Variants in STK32B observed in about 807,000 individuals in gnomAD.
STK32B encodes serine/threonine kinase 32B.
STK32B carries 43 observed loss-of-function variants against 52.6 expected under a neutral mutation model. That is an observed-to-expected ratio of 0.82 (90% CI 0.64 to 1.05). The LOEUF (loss-of-function observed/expected upper bound fraction) is 1.05, where lower values mean the gene tolerates loss of function less well. Ranked by LOEUF, STK32B falls within the 50% of genes least tolerant of loss-of-function variation. STK32B has a pLI of 0.00. For synonymous variants in STK32B, 238 were observed against 204.3 expected, an observed-to-expected ratio of 1.17 and a Z score of -1.41; for missense variants, 621 against 534.6, an observed-to-expected ratio of 1.16 and a Z score of -1.59.
At chr4:5,173,362 A>C (rs200295809) in intron 3 of STK32B, among the ~76,000 whole-genome samples, 28,307 of 151,148 alleles carry the variant, frequency 0.19, 3,333 homozygotes, top group East Asian at 0.3. Context: ...AATGTGTTTG[A>C]TCTTGCTTCT....
intron 1 of STK32B, among the ~76,000 whole-genome samples, chr4:5,068,930 G>A (rs7697884): frequency 6.6e-6 from 1 of 151,942 alleles, no homozygotes; most frequent in African/African-American, 2.4e-5. Context: ...GCAAGAACAC[G>A]TAAGACCTAC....
chr4:5,421,126 G>C (rs1379168019), intron 6 of STK32B, among the ~76,000 whole-genome samples: 1 of 147,448 alleles, frequency 6.8e-6, no homozygotes, highest in East Asian at 2.0e-4. Flanking sequence ...GTCTTGCTCT[G>C]TTGCCCAGCC....
chr4:5,041,359 A>C, the STK32B span, among the ~76,000 whole-genome samples: 396 of 152,294 alleles, frequency 2.6e-3, 1 homozygote, highest in African/African-American at 9.4e-3. Context: ...AATACAATGA[A>C]ATACATTGCA....
the STK32B span, among the ~76,000 whole-genome samples, chr4:5,028,857 C>T: frequency 6.6e-6 from 1 of 152,162 alleles, no homozygotes; most frequent in East Asian, 1.9e-4. Flanking sequence ...GTTTAATTGG[C>T]TTATGGTTCG....
intron 3 of STK32B, among the ~76,000 whole-genome samples, chr4:5,236,352 C>T (rs1285405005): frequency 1.3e-5 from 2 of 152,076 alleles, no homozygotes; most frequent in African/African-American, 4.8e-5. Context: ...TTTAAACTTA[C>T]TTAAAAAACT....
the STK32B span, among the ~76,000 whole-genome samples, chr4:5,037,343 G>C: frequency 6.6e-6 from 1 of 152,130 alleles, no homozygotes; most frequent in Non-Finnish European, 1.5e-5. Context: ...CCTGGTAGGC[G>C]GCAAACACTC....
chr4:5,179,562 A>G (rs1028353851), intron 3 of STK32B, among the ~76,000 whole-genome samples: 2 of 152,232 alleles, frequency 1.3e-5, no homozygotes, highest in African/African-American at 2.4e-5. Context: ...GATGATAGAT[A>G]TAGATGATAG....
At chr4:5,352,557 C>A (rs935896567) in intron 4 of STK32B, among the ~76,000 whole-genome samples, 2 of 151,128 alleles carry the variant, frequency 1.3e-5, no homozygotes. Flanking sequence ...CCACTTTTAC[C>A]ACTCCTATTC....
intron 5 of STK32B, among the ~76,000 whole-genome samples, chr4:5,412,540 G>A (rs562231999): frequency 6.6e-6 from 1 of 152,280 alleles, no homozygotes; most frequent in South Asian, 2.1e-4. Context: ...GATCAGGACT[G>A]TTTGACCCAG....
chr4:5,155,574 C>T (rs576431872), intron 2 of STK32B, among the ~76,000 whole-genome samples: 4 of 152,234 alleles, frequency 2.6e-5, no homozygotes, highest in South Asian at 2.1e-4. Flanking sequence ...AATCTCATCT[C>T]GAATTGTAAT....
At chr4:5,457,368 A>G (rs1351751695) in intron 8 of STK32B, among the ~76,000 whole-genome samples, 1 of 150,994 alleles carries the variant, frequency 6.6e-6, no homozygotes, top group Non-Finnish European at 1.5e-5. Context: ...GGCACCCGCC[A>G]ACACGCCCGG....
chr4:5,180,667 C>T (rs1292535344), intron 3 of STK32B, among the ~76,000 whole-genome samples: 5 of 152,202 alleles, frequency 3.3e-5, no homozygotes, highest in Admixed American at 2.6e-4. Context: ...GACACCACCG[C>T]TTTATATTAA....
intron 1 of STK32B, among the ~76,000 whole-genome samples, chr4:5,097,206 A>G (rs575836760): frequency 6.6e-6 from 1 of 152,348 alleles, no homozygotes; most frequent in African/African-American, 2.4e-5. Flanking sequence ...CCATTAACTA[A>G]ATAGGGAAGC....
intron 1 of STK32B, among the ~76,000 whole-genome samples, chr4:5,115,592 A>G (rs1157232871): frequency 6.6e-6 from 1 of 151,146 alleles, no homozygotes; most frequent in East Asian, 2.3e-4. Flanking sequence ...GGAGAAGTGT[A>G]ACCTGGGCAG....
At chr4:5,215,521 A>C (rs1364580245) in intron 3 of STK32B, among the ~76,000 whole-genome samples, 1 of 152,150 alleles carries the variant, frequency 6.6e-6, no homozygotes, top group Non-Finnish European at 1.5e-5. Context: ...TCTCCTCTTT[A>C]AGTCTCCTGG....
intron 1 of STK32B, among the ~76,000 whole-genome samples, chr4:5,122,078 A>G (rs1715057152): frequency 6.6e-6 from 1 of 151,964 alleles, no homozygotes; most frequent in South Asian, 2.1e-4. Flanking sequence ...TCACATACTC[A>G]TTCTCTCACT....
At chr4:5,474,100 C>T (rs960056411) in intron 11 of STK32B, among the ~76,000 whole-genome samples, 1 of 151,862 alleles carries the variant, frequency 6.6e-6, no homozygotes. Flanking sequence ...GGAGACAGAG[C>T]GAGACTCTGT....
chr4:5,376,987 C>T (rs957098428), intron 4 of STK32B, among the ~76,000 whole-genome samples: 1 of 152,128 alleles, frequency 6.6e-6, no homozygotes, highest in Non-Finnish European at 1.5e-5. Flanking sequence ...TCCAGAAAGT[C>T]CCCTCTGAGC....
chr4:5,126,416 G>C (rs148177157), intron 1 of STK32B, among the ~76,000 whole-genome samples: 1 of 152,254 alleles, frequency 6.6e-6, no homozygotes, highest in Non-Finnish European at 1.5e-5. Flanking sequence ...AGCGTGGCTG[G>C]GCTCGCTCAC....
Sources: gnomAD v4.1 joint callset for allele counts (sites outside exome capture counted in the v4.1 genomes callset) on GRCh38, gnomAD v4.1.1 for gene constraint, MANE v1.5 for transcripts, NCBI Gene and HGNC (gene_info 2026-07-23, HGNC 2026-07-21) for gene names.